Variants in PIGL observed in about 807,000 individuals in gnomAD.
PIGL encodes phosphatidylinositol glycan anchor biosynthesis class L.
A neutral mutation model predicts 31.1 loss-of-function variants in PIGL; 22 were observed. That is an observed-to-expected ratio of 0.71 (90% CI 0.51 to 1.01). PIGL has a LOEUF of 1.01. PIGL is among the 50% of genes least tolerant of loss of function. The pLI is 0.00. For synonymous variants in PIGL, 131 were observed against 117.4 expected (o/e 1.12, Z -0.75); for missense variants, 302 against 315.9 (o/e 0.96, Z 0.33).
chr17:16,306,571 C>T (rs924676870), intron 3 of PIGL, among the ~76,000 whole-genome samples: 13 of 147,404 alleles, frequency 8.8e-5, no homozygotes, highest in African/African-American at 3.3e-4. Context: ...TCTTGTTGGC[C>T]AGGATGGAGT....
chr17:16,242,899 C>T (rs904878373), intron 2 of PIGL, among the ~76,000 whole-genome samples: 11 of 151,784 alleles, frequency 7.2e-5, no homozygotes, highest in African/African-American at 9.7e-5. Flanking sequence ...TGAGCCACTG[C>T]GCTCAGCCCT....
intron 3 of PIGL, chr17:16,312,507 C>G (rs1253593110): frequency 6.1e-6 from 1 of 162,824 alleles, no homozygotes; most frequent in Non-Finnish European, 1.3e-5. Context: ...CTCCTCACTT[C>G]CCAGACGGGG....
At chr17:16,312,590 A>C (rs1210460601) in intron 3 of PIGL, 2 of 166,518 alleles carry the variant, frequency 1.2e-5, no homozygotes, top group Non-Finnish European at 2.6e-5. Flanking sequence ...TGGAGGTTGT[A>C]GCTAGCCGAG....
intron 2 of PIGL, among the ~76,000 whole-genome samples, chr17:16,245,057 A>G (rs1183352627): frequency 2.6e-5 from 4 of 151,192 alleles, no homozygotes; most frequent in Non-Finnish European, 5.9e-5. Context: ...TAATGGTGCA[A>G]TCTCGGCTCA....
chr17:16,239,963 C>T (rs2092715910), intron 2 of PIGL, among the ~76,000 whole-genome samples: 1 of 152,032 alleles, frequency 6.6e-6, no homozygotes, highest in South Asian at 2.1e-4. Context: ...CTGAATTACT[C>T]AGTGATATGA....
intron 3 of PIGL, among the ~76,000 whole-genome samples, chr17:16,307,908 A>C (rs898947700): frequency 6.6e-6 from 1 of 151,206 alleles, no homozygotes; most frequent in Non-Finnish European, 1.5e-5. Flanking sequence ...GTTCAAGGTT[A>C]CAGTGAGCCA....
At chr17:16,219,306 C>T (rs142981177) in intron 1 of PIGL, among the ~76,000 whole-genome samples, 4,832 of 151,154 alleles carry the variant, frequency 0.032, 97 homozygotes, top group Non-Finnish European at 0.047. Context: ...TTGATCTGCC[C>T]GCCTCAGCCT....
Position 16,325,942 on chromosome 17 carries a change from G to C in PIGL, c.*44G>C, listed in dbSNP as rs1338957887. On this transcript the variant is annotated 3_prime_UTR_variant, in exon 7 of 7. Coordinates refer to ENST00000225609, the MANE Select transcript of PIGL (RefSeq NM_004278.4). ...GATCCAAGGAACAAAGGGGAAAATAGACAAAGGAGTGCAGAGGACCTGGCC... is the reference window on the plus strand; with the variant it reads ...GATCCAAGGAACAAAGGGGAAAATACACAAAGGAGTGCAGAGGACCTGGCC... 7.2e-7 allele frequency: 1 copy of C among 1,394,318 alleles called. No homozygotes were observed. The highest frequency in any genetic ancestry group is 1.7e-5 in the Admixed American group (1 of 59,642). The allele number at this position is 1,394,318 out of a possible 1,614,324, so 86.4% of individuals were successfully genotyped here. A position where few individuals can be genotyped will look rare whatever the true frequency, so the allele number is the denominator to read the frequency against.
intron 3 of PIGL, among the ~76,000 whole-genome samples, chr17:16,303,012 G>C (rs898101520): frequency 2.6e-5 from 4 of 152,134 alleles, no homozygotes; most frequent in African/African-American, 9.7e-5. Flanking sequence ...TTCTTTTTCA[G>C]ACCATGTTGC....
intron 2 of PIGL, among the ~76,000 whole-genome samples, chr17:16,265,048 G>A (rs980426582): frequency 1.3e-5 from 2 of 152,170 alleles, no homozygotes; most frequent in African/African-American, 4.8e-5. Flanking sequence ...TTCTAAGAGG[G>A]TAAAGGCCTT....
chr17:16,302,552 A>G (rs2093009183), intron 3 of PIGL, among the ~76,000 whole-genome samples: 1 of 152,110 alleles, frequency 6.6e-6, no homozygotes, highest in Non-Finnish European at 1.5e-5. Flanking sequence ...CACGAGAACT[A>G]CTGGTCTTCC....
At chr17:16,226,837 C>G (rs2092654258) in intron 1 of PIGL, among the ~76,000 whole-genome samples, 1 of 152,122 alleles carries the variant, frequency 6.6e-6, no homozygotes, top group Admixed American at 6.5e-5. Context: ...TCTGCTGCTC[C>G]CTTGACTTTA....
intron 5 of PIGL, chr17:16,317,316 A>T (rs1361003719): frequency 1.0e-6 from 1 of 992,732 alleles, no homozygotes; most frequent in African/African-American, 1.7e-5. Flanking sequence ...TTTGATTCTT[A>T]TATCAATCCT....
At chr17:16,299,833 G>A (rs1674910591) in intron 2 of PIGL, 55 bp from the exon 3 acceptor site, 1 of 1,283,860 alleles carries the variant, frequency 7.8e-7, no homozygotes, top group African/African-American at 1.5e-5. Flanking sequence ...TGGAGCTTAG[G>A]GAGAAGGTTG....
chr17:16,310,598 G>T (rs574200670), intron 3 of PIGL, among the ~76,000 whole-genome samples: 2 of 151,964 alleles, frequency 1.3e-5, no homozygotes, highest in East Asian at 3.8e-4. Flanking sequence ...GTCCAGTGGC[G>T]TGATATTGGC....
At chr17:16,252,833 G>A (rs2092778457) in intron 2 of PIGL, among the ~76,000 whole-genome samples, 1 of 152,096 alleles carries the variant, frequency 6.6e-6, no homozygotes, top group African/African-American at 2.4e-5. Flanking sequence ...CTTCTTTCTG[G>A]AGGATGAATG....
intron 3 of PIGL, 47 bp downstream of exon 3, chr17:16,300,025 T>C (rs1490784992): frequency 4.9e-6 from 7 of 1,429,486 alleles, no homozygotes; most frequent in Non-Finnish European, 6.9e-6. Context: ...CTTGGTCCCA[T>C]TCACACCAGG....
rs553455989 is a variant in PIGL at position 16,292,286 on chromosome 17, A to T, written c.336-7602A>T. ...TGATGTCAGGTGATCCACCCGCCTC[A>T]GCCTCCTAAAGTGCCAGCACCAATG... On this transcript the variant is annotated intron_variant, in intron 2 of 6. Transcript: ENST00000225609. Among the ~76,000 whole-genome samples, 8 of 152,138 alleles carry T rather than the reference A, an allele frequency of 5.3e-5. No individual in the cohort carries two copies. In the East Asian group the frequency reaches 1.5e-3, roughly 29 times the overall value.
chr17:16,242,062 T>G (rs994454860), intron 2 of PIGL, among the ~76,000 whole-genome samples: 27 of 152,120 alleles, frequency 1.8e-4, no homozygotes, highest in African/African-American at 5.3e-4. Flanking sequence ...TGGGGTTTTT[T>G]TTTGTTTGTT....
Sources: allele counts gnomAD v4.1 joint callset (sites outside exome capture counted in the v4.1 genomes callset), GRCh38; gene constraint gnomAD v4.1.1; transcripts MANE v1.5; gene names NCBI Gene and HGNC (gene_info 2026-07-23, HGNC 2026-07-21).